The following AK5 variants were observed in gnomAD, a reference collection of about 807,000 sequenced individuals.
The protein encoded by AK5 is adenylate kinase isoenzyme 5.
Under a neutral mutation model 69.5 loss-of-function variants are expected in AK5, and 27 were observed. That is an observed-to-expected ratio of 0.39 (90% confidence interval 0.29 to 0.54). AK5 has a LOEUF of 0.54. Ranked by LOEUF, AK5 falls within the 20% of genes least tolerant of loss-of-function variation. AK5 has a pLI of 0.71. For synonymous variants in AK5, 260 were observed against 244.4 expected (o/e 1.06, Z -0.60); for missense variants, 531 against 700.4 (o/e 0.76, Z 2.73).
chr1:77,471,755 G>A lies in AK5; in HGVS notation c.1060-11562G>A, dbSNP rs115256163. ...TTAAATTGGTAGTAATGAAGATAAA[G>A]TCATCATAATTAATAATGAAAAAGC... On this transcript the variant is annotated intron_variant, in intron 8 of 13. Transcript: ENST00000354567. Among the ~76,000 whole-genome samples the A allele has an allele frequency of 6.2e-3, 937 of 152,292 alleles. 11 individuals carry two copies. The highest frequency in any genetic ancestry group is 8.0e-3 in the Non-Finnish European group (543 of 68,026).
At chr1:77,294,537 T>A (rs1298822292) in intron 3 of AK5, among the ~76,000 whole-genome samples, 2 of 152,164 alleles carry the variant, frequency 1.3e-5, no homozygotes, top group Non-Finnish European at 2.9e-5. Context: ...TTCATATAAA[T>A]GAATCTTCTT....
intron 1 of AK5, among the ~76,000 whole-genome samples, chr1:77,286,159 A>G (rs919292310): frequency 2.0e-5 from 3 of 152,118 alleles, no homozygotes; most frequent in Non-Finnish European, 4.4e-5. Flanking sequence ...TGTGCCAAGC[A>G]TTTAATATGC....
At chr1:77,399,310 G>A (rs138870410) in intron 6 of AK5, among the ~76,000 whole-genome samples, 15 of 152,156 alleles carry the variant, frequency 9.9e-5, no homozygotes, top group African/African-American at 2.9e-4. Flanking sequence ...GAATTGTTCC[G>A]AACCCCGATT....
At chr1:77,542,353 A>T (rs1447933062) in intron 13 of AK5, among the ~76,000 whole-genome samples, 1 of 152,192 alleles carries the variant, frequency 6.6e-6, no homozygotes, top group Non-Finnish European at 1.5e-5. Context: ...TATACAAGAA[A>T]ATAAAGCAAC....
Position 77,535,988 on chromosome 1 carries a change from G to A in AK5, c.1570G>A (p.Ala524Thr). Residue 524 changes from alanine (A) to threonine (T), a missense_variant, in exon 13 of 14, where the codon GCG (alanine) becomes ACG (threonine). Physicochemically the swap from Ala to Thr is moderately conservative, Grantham distance 58. Transcript: ENST00000354567. ...IAKRLEAYYR[A>T]SIPVIAYYET... ...CAAGCGCCTAGAAGCCTACTACCGAGCGTCCATCCCCGTGATCGCCTACTA... is the reference window on the plus strand; with the variant it reads ...CAAGCGCCTAGAAGCCTACTACCGAACGTCCATCCCCGTGATCGCCTACTA... 1 of 1,613,442 alleles carries A rather than the reference G, an allele frequency of 6.2e-7. No homozygotes were observed. Among genetic ancestry groups the A allele is most frequent in the Non-Finnish European group, 8.5e-7 (1 of 1,179,966 alleles).
chr1:77,342,260 C>G (rs979534179), intron 6 of AK5, among the ~76,000 whole-genome samples: 15 of 152,062 alleles, frequency 9.9e-5, no homozygotes, highest in African/African-American at 3.4e-4. Context: ...CAAACCAAAC[C>G]CCAACTGTAA....
At chr1:77,430,842 C>T (rs1381092615) in intron 8 of AK5, among the ~76,000 whole-genome samples, 1 of 152,066 alleles carries the variant, frequency 6.6e-6, no homozygotes, top group East Asian at 1.9e-4. Context: ...TATAGAAACA[C>T]GGAGGAAATT....
At chr1:77,383,902 C>T (rs564525448) in intron 6 of AK5, among the ~76,000 whole-genome samples, 3 of 151,750 alleles carry the variant, frequency 2.0e-5, no homozygotes, top group South Asian at 2.1e-4. Flanking sequence ...TATAATTGCT[C>T]CAGTTATTAA....
Position 77,521,814 on chromosome 1 carries a change from C to A in AK5, c.1312-13C>A. On this transcript the variant is annotated splice_polypyrimidine_tract_variant and intron_variant, in intron 11 of 13. Transcript: ENST00000354567. ...AAAGAGCTCAGGTCCTGACCACTCT[C>A]GCTTTGCTCCAGGGCATCGTTTTGG... is the stretch of plus-strand genomic sequence containing the variant. 1 of 1,606,142 alleles carries A rather than the reference C, an allele frequency of 6.2e-7. No homozygotes were observed. Among genetic ancestry groups the A allele is most frequent in the South Asian group, 1.1e-5 (1 of 90,786 alleles).
At chr1:77,515,216 T>C (rs1482728246) in intron 10 of AK5, among the ~76,000 whole-genome samples, 1 of 152,236 alleles carries the variant, frequency 6.6e-6, no homozygotes, top group Non-Finnish European at 1.5e-5. Context: ...CCTCCCCATT[T>C]GGCTTAGAGC....
chr1:77,425,690 A>G (rs914787130), intron 8 of AK5, among the ~76,000 whole-genome samples: 2 of 152,146 alleles, frequency 1.3e-5, no homozygotes, highest in Non-Finnish European at 2.9e-5. Flanking sequence ...AAATAAAGAA[A>G]TTTTTCTTAT....
At chr1:77,314,669 T>C (rs1046980486) in intron 5 of AK5, 1 of 152,164 alleles carries the variant, frequency 6.6e-6, no homozygotes, top group Non-Finnish European at 1.5e-5. Flanking sequence ...CATCCTCCTT[T>C]TAGCTATTTG....
intron 8 of AK5, among the ~76,000 whole-genome samples, chr1:77,444,264 A>T (rs1430748288): frequency 2.6e-5 from 1 of 38,478 alleles, no homozygotes; most frequent in Non-Finnish European, 5.0e-5. Flanking sequence ...ATGTGTATAT[A>T]TATAGTATAT....
In AK5 at chr1:77,521,979, A is replaced by T. The variant is rs142550251; in HGVS notation, c.1428+36A>T. On this transcript the variant is annotated intron_variant, in intron 12 of 13. Transcript: ENST00000354567. Reference sequence around the variant, plus strand: ...GTTACGGGCATCCTTCCAGAAGAAAAATAGGGGACATCCTTGAGGTTGGGT... The same window carrying T: ...GTTACGGGCATCCTTCCAGAAGAAATATAGGGGACATCCTTGAGGTTGGGT... 1.3e-4 allele frequency: 183 copies of T among 1,457,582 alleles called. No individual in the cohort carries two copies. In the African/African-American group the frequency reaches 2.5e-3, roughly 20 times the overall value. 90.3% of individuals were successfully genotyped at this position (1,457,582 alleles called of 1,614,324 possible).
intron 8 of AK5, among the ~76,000 whole-genome samples, chr1:77,430,622 G>A (rs1464047866): frequency 6.6e-6 from 1 of 152,108 alleles, no homozygotes; most frequent in Non-Finnish European, 1.5e-5. Flanking sequence ...GAGAGAAGAG[G>A]CTCTATAGCT....
chr1:77,292,809 T>C (rs1658765885), intron 2 of AK5, among the ~76,000 whole-genome samples: 1 of 152,180 alleles, frequency 6.6e-6, no homozygotes, highest in Non-Finnish European at 1.5e-5. Flanking sequence ...GCAAGTCCTT[T>C]CTTACCACTG....
chr1:77,379,771 C>G (rs1020675743), intron 6 of AK5, among the ~76,000 whole-genome samples: 3 of 152,208 alleles, frequency 2.0e-5, no homozygotes, highest in South Asian at 2.1e-4. Flanking sequence ...GCTGTTTGAT[C>G]TCCATGCTTT....
At chr1:77,420,005 A>C (rs1469080965) in intron 8 of AK5, among the ~76,000 whole-genome samples, 1 of 152,170 alleles carries the variant, frequency 6.6e-6, no homozygotes, top group East Asian at 1.9e-4. Flanking sequence ...AGGCACTTAG[A>C]ATATAATTAC....
At chr1:77,483,692 A>G (rs138995893) in intron 9 of AK5, among the ~76,000 whole-genome samples, 9 of 152,254 alleles carry the variant, frequency 5.9e-5, no homozygotes, top group African/African-American at 2.2e-4. Flanking sequence ...AATAGCATCC[A>G]AAGCTCCCAC....
Sources: gnomAD v4.1 joint callset for allele counts (sites outside exome capture counted in the v4.1 genomes callset) on GRCh38, gnomAD v4.1.1 for gene constraint, MANE v1.5 for transcripts, NCBI Gene and HGNC (gene_info 2026-07-23, HGNC 2026-07-21) for gene names.